Variants in WWOX observed in about 807,000 individuals in gnomAD.
WWOX encodes the protein WW domain-containing oxidoreductase.
In WWOX, 69 loss-of-function variants were observed where a neutral mutation model predicts 46.2. The ratio of observed to expected loss-of-function variants is 1.49; its 90% CI spans 1.23 to 1.82. The LOEUF is 1.82. Among genes scored for constraint, WWOX ranks in the 40% most tolerant of loss-of-function variants. WWOX has a pLI of 0.00. For synonymous variants in WWOX, 359 were observed against 202.6 expected (o/e 1.77, Z -6.56); for missense variants, 919 against 542.6 (o/e 1.69, Z -6.89).
intron 5 of WWOX, among the ~76,000 whole-genome samples, chr16:78,213,955 C>A (rs1301744070): frequency 6.6e-6 from 1 of 152,126 alleles, no homozygotes; most frequent in Admixed American, 6.5e-5. Flanking sequence ...GCCCGCGCCT[C>A]CCCTGTACAG....
At chr16:79,066,297 A>G (rs919284616) in intron 8 of WWOX, among the ~76,000 whole-genome samples, 6 of 152,118 alleles carry the variant, frequency 3.9e-5, no homozygotes, top group East Asian at 1.9e-4. Flanking sequence ...CCTCCCGCAC[A>G]CTGAGCACAG....
At chr16:79,019,611 T>G (rs7196173) in intron 8 of WWOX, among the ~76,000 whole-genome samples, 13,718 of 151,896 alleles carry the variant, frequency 0.09, 1,009 homozygotes, top group African/African-American at 0.2. Context: ...GCTGGTATCC[T>G]GCGTATCTGT....
intron 8 of WWOX, among the ~76,000 whole-genome samples, chr16:79,036,183 C>A (rs1277955478): frequency 1.3e-5 from 2 of 152,172 alleles, no homozygotes; most frequent in African/African-American, 2.4e-5. Flanking sequence ...AGGTTTCACC[C>A]TCTTCAAGTA....
chr16:78,454,156 C>T (rs1351442191), intron 8 of WWOX, among the ~76,000 whole-genome samples: 1 of 152,196 alleles, frequency 6.6e-6, no homozygotes, highest in African/African-American at 2.4e-5. Flanking sequence ...TCCGGGCATA[C>T]TCCTAATCTA....
Position 78,817,172 on chromosome 16 carries a change from C to CTTTTTTTTTTTT in WWOX, c.1056+384436_1056+384447dup, listed in dbSNP as rs33981779. 6.9e-3 allele frequency among the ~76,000 whole-genome samples: 357 copies of CTTTTTTTTTTTT among 51,564 alleles called. 85 individuals are homozygous for CTTTTTTTTTTTT. The highest frequency in any genetic ancestry group is 7.8e-3 in the Non-Finnish European group (227 of 29,090). The allele number at this position is 51,564 out of a possible 152,430, so 33.8% of individuals were successfully genotyped here. Reference sequence around the variant, plus strand: ...GTTTTTCTTAAACATTAGTGCTATTCTTTTTTTTTTTTTTTTTTTTTTTTT... The same window carrying CTTTTTTTTTTTT: ...GTTTTTCTTAAACATTAGTGCTATTCTTTTTTTTTTTTTTTTTTTTTTTTTTTTTTTTTTTTT... On this transcript the variant is annotated intron_variant, in intron 8 of 8. Transcript: ENST00000566780.
chr16:78,626,925 T>C (rs762195429), intron 8 of WWOX, among the ~76,000 whole-genome samples: 7 of 152,232 alleles, frequency 4.6e-5, no homozygotes, highest in Non-Finnish European at 8.8e-5. Flanking sequence ...TCTTCAAAAG[T>C]TGCTGCTGTT....
chr16:78,334,083 G>C (rs2080823344), intron 5 of WWOX, among the ~76,000 whole-genome samples: 1 of 152,164 alleles, frequency 6.6e-6, no homozygotes, highest in Non-Finnish European at 1.5e-5. Flanking sequence ...ATCGCATAAA[G>C]ATGCAGATTT....
At chr16:78,328,830 CTTTTTTCTTTTCTTTTGT>C (rs1446379068) in intron 5 of WWOX, among the ~76,000 whole-genome samples, 2 of 47,564 alleles carry the variant, frequency 4.2e-5, no homozygotes, top group African/African-American at 3.7e-4. Flanking sequence ...ATGTGTTTTT[CTTTTTTCTTTTCTTTTGT>C]TTTCTTTTCT....
At chr16:78,620,733 C>G (rs913296851) in intron 8 of WWOX, among the ~76,000 whole-genome samples, 5 of 152,040 alleles carry the variant, frequency 3.3e-5, no homozygotes, top group African/African-American at 1.2e-4. Flanking sequence ...TAGCAAAATG[C>G]ATATTTGCAT....
At chr16:78,366,968 CATTTT>C (rs745840048) in intron 5 of WWOX, among the ~76,000 whole-genome samples, 3 of 91,112 alleles carry the variant, frequency 3.3e-5, no homozygotes, top group African/African-American at 4.2e-5. Context: ...ACAAAAGTTA[CATTTT>C]TTTTTTTTTT....
chr16:79,171,995 C>G (rs28707691), intron 8 of WWOX, among the ~76,000 whole-genome samples: 1,879 of 152,266 alleles, frequency 0.012, 43 homozygotes, highest in African/African-American at 0.042. Context: ...ATGAGTCAGA[C>G]AGGTCATCCT....
At chr16:79,117,211 G>T (rs764115961) in intron 8 of WWOX, among the ~76,000 whole-genome samples, 3 of 151,972 alleles carry the variant, frequency 2.0e-5, no homozygotes, top group African/African-American at 4.8e-5. Flanking sequence ...CAATTTCACC[G>T]TGTTGCCCAG....
chr16:78,407,566 C>T (rs752913813), intron 6 of WWOX, among the ~76,000 whole-genome samples: 1 of 152,174 alleles, frequency 6.6e-6, no homozygotes, highest in Non-Finnish European at 1.5e-5. Flanking sequence ...CTCCTAGACT[C>T]TTTAAAGCAC....
intron 7 of WWOX, among the ~76,000 whole-genome samples, chr16:78,428,590 C>G (rs2083142066): frequency 6.6e-6 from 1 of 152,146 alleles, no homozygotes; most frequent in African/African-American, 2.4e-5. Context: ...TGACTTGTTT[C>G]TAGATTAGGG....
intron 8 of WWOX, among the ~76,000 whole-genome samples, chr16:79,078,784 G>T (rs1438293763): frequency 6.6e-6 from 1 of 152,098 alleles, no homozygotes; most frequent in Non-Finnish European, 1.5e-5. Flanking sequence ...CACTTCTCTT[G>T]GCCTTTATTT....
At chr16:79,007,462 G>A (rs2047213142) in intron 8 of WWOX, among the ~76,000 whole-genome samples, 1 of 152,186 alleles carries the variant, frequency 6.6e-6, no homozygotes. Flanking sequence ...ATGAGGCCAG[G>A]GGATTGTTAG....
At chr16:78,686,600 A>G (rs2047866509) in intron 8 of WWOX, among the ~76,000 whole-genome samples, 1 of 152,054 alleles carries the variant, frequency 6.6e-6, no homozygotes, top group Admixed American at 6.5e-5. Context: ...GAGTGGGCCC[A>G]GCTATTTGTG....
intron 8 of WWOX, among the ~76,000 whole-genome samples, chr16:78,603,861 G>C (rs992098292): frequency 4.6e-5 from 7 of 152,194 alleles, no homozygotes; most frequent in South Asian, 4.2e-4. Flanking sequence ...ATTAGAAGCT[G>C]GCTGACATAG....
intron 8 of WWOX, among the ~76,000 whole-genome samples, chr16:78,605,765 A>T (rs976046707): frequency 6.6e-6 from 1 of 152,310 alleles, no homozygotes; most frequent in African/African-American, 2.4e-5. Context: ...AAAGGATAGG[A>T]AGAAGCTCTG....
Sources: allele counts gnomAD v4.1 joint callset (sites outside exome capture counted in the v4.1 genomes callset), GRCh38; gene constraint gnomAD v4.1.1; transcripts MANE v1.5; gene names NCBI Gene and HGNC (gene_info 2026-07-23, HGNC 2026-07-21).